IMMP2L: variants seen among roughly 807,000 people sequenced by gnomAD.
The protein encoded by IMMP2L is inner mitochondrial membrane peptidase subunit 2.
In IMMP2L, 18 loss-of-function variants were observed where a neutral mutation model predicts 19.3. The observed-to-expected ratio is 0.93, with a 90% confidence interval of 0.64 to 1.38. The LOEUF (loss-of-function observed/expected upper bound fraction) is 1.38, where lower values mean the gene tolerates loss of function less well. IMMP2L is among the 40% of genes most tolerant of loss of function. The pLI is 0.00. For synonymous variants in IMMP2L, 76 were observed against 73.0 expected, an observed-to-expected ratio of 1.04 and a Z score of -0.21; for missense variants, 233 against 218.2, an observed-to-expected ratio of 1.07 and a Z score of -0.43.
intron 3 of IMMP2L, among the ~76,000 whole-genome samples, chr7:111,441,042 C>T (rs950968509): frequency 2.0e-5 from 3 of 151,984 alleles, no homozygotes; most frequent in Admixed American, 6.5e-5. Context: ...GAAGTCAGGC[C>T]CTTGCTCTAC....
chr7:110,728,014 T>C lies in IMMP2L; in HGVS notation c.409-64293A>G, dbSNP rs1796014597. Among the ~76,000 whole-genome samples the C allele has an allele frequency of 6.6e-6, 1 of 152,238 alleles. No individual in the cohort carries two copies. Among genetic ancestry groups the C allele is most frequent in the African/African-American group, 2.4e-5 (1 of 41,470 alleles). ...AGCACAGGAAGCTTGAGTCTGGCTT[T>C]GGAGCCAGTTTACCTGAGCTTGCCT... On this transcript the variant is annotated intron_variant, in intron 5 of 5. Coordinates refer to ENST00000405709, the MANE Select transcript of IMMP2L (RefSeq NM_032549.4). The surrounding 1 kb of genome is among the most constrained non-coding windows in gnomAD (Gnocchi z 4.6).
intron 2 of IMMP2L, among the ~76,000 whole-genome samples, chr7:111,505,987 A>T (rs1210285328): frequency 6.6e-6 from 1 of 152,000 alleles, no homozygotes; most frequent in East Asian, 1.9e-4. Flanking sequence ...AAAATTAAAA[A>T]AGAAAGAAAG....
chr7:111,001,659 A>C (rs1823708357), intron 3 of IMMP2L, among the ~76,000 whole-genome samples: 1 of 152,204 alleles, frequency 6.6e-6, no homozygotes, highest in African/African-American at 2.4e-5. Flanking sequence ...AAAATCCTTC[A>C]CTGCTAAAAC....
intron 1 of IMMP2L, among the ~76,000 whole-genome samples, chr7:111,535,370 A>G (rs998158995): frequency 1.3e-5 from 2 of 152,152 alleles, no homozygotes; most frequent in Non-Finnish European, 2.9e-5. Context: ...AAAGAAAAAA[A>G]CTGCACACTT....
intron 3 of IMMP2L, among the ~76,000 whole-genome samples, chr7:111,258,752 C>T (rs370458821): frequency 1.3e-5 from 2 of 152,058 alleles, no homozygotes; most frequent in Admixed American, 6.6e-5. Flanking sequence ...GCGATCTGCC[C>T]GCCTTGACTT....
chr7:111,044,057 C>G (rs891791168), intron 3 of IMMP2L, among the ~76,000 whole-genome samples: 1 of 152,180 alleles, frequency 6.6e-6, no homozygotes, highest in African/African-American at 2.4e-5. Context: ...GACATTATGT[C>G]AAGCAACTAT....
At chr7:110,766,581 T>TAAA (rs772192515) in intron 5 of IMMP2L, among the ~76,000 whole-genome samples, 6 of 96,790 alleles carry the variant, frequency 6.2e-5, no homozygotes, top group African/African-American at 1.6e-4. Flanking sequence ...AGACTTCATT[T>TAAA]AAAAAAAAAA....
intron 1 of IMMP2L, among the ~76,000 whole-genome samples, chr7:111,549,661 C>A (rs189419566): frequency 2.6e-4 from 40 of 152,162 alleles, no homozygotes; most frequent in African/African-American, 9.6e-4. Flanking sequence ...AGATTCTGGC[C>A]ACGTGTGGTG....
chr7:111,331,686 T>C (rs1156283985), intron 3 of IMMP2L, among the ~76,000 whole-genome samples: 2 of 152,016 alleles, frequency 1.3e-5, no homozygotes, highest in East Asian at 3.9e-4. Flanking sequence ...TTTATACAAT[T>C]ATAAATTATC....
intron 5 of IMMP2L, among the ~76,000 whole-genome samples, chr7:110,830,484 T>C (rs1803876171): frequency 6.6e-6 from 1 of 152,110 alleles, no homozygotes. Flanking sequence ...GTGGACACAG[T>C]TTTACATACA....
At chr7:111,026,893 T>C (rs1387313259) in intron 3 of IMMP2L, among the ~76,000 whole-genome samples, 1 of 152,108 alleles carries the variant, frequency 6.6e-6, no homozygotes, top group East Asian at 1.9e-4. Context: ...TCTTTTTTTC[T>C]GTGTAAGTCA....
At chr7:110,833,860 C>T (rs1804191754) in intron 5 of IMMP2L, among the ~76,000 whole-genome samples, 1 of 152,146 alleles carries the variant, frequency 6.6e-6, no homozygotes, top group Non-Finnish European at 1.5e-5. Flanking sequence ...CAAACACAAG[C>T]TGTACCATTC....
intron 3 of IMMP2L, among the ~76,000 whole-genome samples, chr7:111,341,831 T>C (rs1297719717): frequency 2.0e-5 from 3 of 152,136 alleles, no homozygotes; most frequent in African/African-American, 7.2e-5. Flanking sequence ...AGGCTCCACC[T>C]TTATGCGGAG....
intron 1 of IMMP2L, among the ~76,000 whole-genome samples, chr7:111,527,161 C>A (rs1297687075): frequency 6.6e-6 from 1 of 151,996 alleles, no homozygotes; most frequent in Non-Finnish European, 1.5e-5. Flanking sequence ...TCATGTGTGA[C>A]AAGAAGGGGC....
intron 3 of IMMP2L, among the ~76,000 whole-genome samples, chr7:111,452,897 T>C (rs1290691809): frequency 2.6e-5 from 4 of 152,172 alleles, no homozygotes; most frequent in Non-Finnish European, 5.9e-5. Flanking sequence ...ATGTCACTTG[T>C]TGCTAGAAAG....
At chr7:110,996,080 T>C (rs1822995765) in intron 3 of IMMP2L, among the ~76,000 whole-genome samples, 2 of 152,114 alleles carry the variant, frequency 1.3e-5, no homozygotes, top group African/African-American at 4.8e-5. Context: ...TAAGCTTCAG[T>C]TTATTCTACT....
intron 4 of IMMP2L, among the ~76,000 whole-genome samples, chr7:110,925,547 A>G (rs1190568077): frequency 6.6e-6 from 1 of 152,166 alleles, no homozygotes; most frequent in Non-Finnish European, 1.5e-5. Flanking sequence ...GGCATTCAGA[A>G]TTTCTTTATA....
At chr7:111,198,814 CT>C (rs1280412209) in intron 3 of IMMP2L, among the ~76,000 whole-genome samples, 1 of 152,212 alleles carries the variant, frequency 6.6e-6, no homozygotes, top group African/African-American at 2.4e-5. Flanking sequence ...TTATAATGCC[CT>C]TGTCATATCT....
At chr7:110,936,483 A>G (rs1408567690) in intron 4 of IMMP2L, among the ~76,000 whole-genome samples, 1 of 152,244 alleles carries the variant, frequency 6.6e-6, no homozygotes, top group Non-Finnish European at 1.5e-5. Flanking sequence ...AGAAATGCAA[A>G]TCAAAACTGC....
Sources: gnomAD v4.1 joint callset for allele counts (sites outside exome capture counted in the v4.1 genomes callset) on GRCh38, gnomAD v4.1.1 for gene constraint, Gnocchi (gnomAD v3.1) non-coding constraint, MANE v1.5 for transcripts, NCBI Gene and HGNC (gene_info 2026-07-23, HGNC 2026-07-21) for gene names.